CNOT1: variants seen among roughly 807,000 people sequenced by gnomAD.
CNOT1 encodes the protein CCR4-associated factor 1.
A neutral mutation model predicts 273.8 loss-of-function variants in CNOT1; 15 were observed. The ratio of observed to expected loss-of-function variants is 0.05; its 90% confidence interval spans 0.04 to 0.08. CNOT1 has a LOEUF of 0.08. Among genes scored for constraint, CNOT1 ranks in the 10% least tolerant of loss-of-function variants. The pLI is 1.00. For missense variants in CNOT1, 1,644 were observed against 2,912.2 expected, an observed-to-expected ratio of 0.56 and a Z score of 10.02; for synonymous variants, 1,022 against 1,005.5, an observed-to-expected ratio of 1.02 and a Z score of -0.31.
At chr16:58,574,467 T>C in intron 16 of CNOT1, 142 bp downstream of exon 16, 1 of 701,968 alleles carries the variant, frequency 1.4e-6, no homozygotes, top group Non-Finnish European at 2.1e-6. Flanking sequence ...GTATGTATCA[T>C]AAATAGTATA....
rs544613974 is a variant in CNOT1 at position 58,623,707 on chromosome 16, G to A, written c.-175+6021C>T. On this transcript the variant is annotated intron_variant, in intron 1 of 48. Coordinates refer to ENST00000317147, the MANE Select transcript of CNOT1 (RefSeq NM_016284.5). ...AAACTCTTGAACCTAAGTGTTGGCC[G>A]GGTACAGTGGCTCATGCCTGTCTGT... Among the ~76,000 whole-genome samples the A allele has an allele frequency of 2.4e-4, 36 of 152,200 alleles. No individual in the cohort carries two copies. The South Asian group carries it at 4.2e-3, about 18-fold the overall frequency.
Position 58,580,637 on chromosome 16 carries a change from T to C in CNOT1, c.1339A>G (p.Thr447Ala). ...AAGATGAATCAAAGTGTTTACCATG[T>C]GGCAATTTCTCGATTGTCATCCTCT... is the stretch of plus-strand genomic sequence containing the variant. Reference protein sequence around the residue: ...PPEDDNREIATWKSLDLIESL... With the variant: ...PPEDDNREIAAWKSLDLIESL... Residue 447 changes from threonine (T) to alanine (A), a missense_variant, in exon 12 of 49, where the codon ACA (threonine) becomes GCA (alanine). By Grantham distance (58) the Thr-to-Ala change is moderately conservative (BLOSUM62 0). Transcript: ENST00000317147. The C allele has an allele frequency of 1.2e-6, 2 of 1,609,630 alleles. No homozygotes were observed. The highest frequency in any genetic ancestry group is 8.5e-7 in the Non-Finnish European group (1 of 1,178,734).
Position 58,576,353 on chromosome 16 carries a change from C to T in CNOT1, c.1704+110G>A, listed in dbSNP as rs9936144. 0.41 allele frequency: 601,178 copies of T among 1,463,524 alleles called. 132,715 individuals are homozygous for T. The highest frequency in any genetic ancestry group is 0.46 in the Non-Finnish European group (499,940 of 1,082,228). The allele number at this position is 1,463,524 out of a possible 1,614,324, so 90.7% of individuals were successfully genotyped here. A position where few individuals can be genotyped will look rare whatever the true frequency, so the allele number is the denominator to read the frequency against. On this transcript the variant is annotated intron_variant, in intron 14 of 48. Transcript: ENST00000317147. ...TCTCGAATTCCTGACCTTGTGGATCCGCCCACCTCAGCCTCCCAAAGTGCT... is the reference window on the plus strand; with the variant it reads ...TCTCGAATTCCTGACCTTGTGGATCTGCCCACCTCAGCCTCCCAAAGTGCT...
chr16:58,536,673 C>T (rs2039940600), intron 39 of CNOT1, among the ~76,000 whole-genome samples: 1 of 151,692 alleles, frequency 6.6e-6, no homozygotes, highest in African/African-American at 2.4e-5. Flanking sequence ...ATTTATTAGC[C>T]CACAGTCCCA....
At chr16:58,610,468 C>T (rs57203861) in intron 1 of CNOT1, among the ~76,000 whole-genome samples, 1 of 152,202 alleles carries the variant, frequency 6.6e-6, no homozygotes, top group African/African-American at 2.4e-5. Context: ...CTTTGGGAGA[C>T]CGAGGCAGGT....
At chr16:58,623,058 C>T (rs935013059) in intron 1 of CNOT1, among the ~76,000 whole-genome samples, 1 of 150,772 alleles carries the variant, frequency 6.6e-6, no homozygotes, top group Admixed American at 6.6e-5. Context: ...ATTAGCCAAG[C>T]GTGGTGGCAG....
intron 16 of CNOT1, among the ~76,000 whole-genome samples, chr16:58,571,601 T>C (rs1396439205): frequency 6.6e-6 from 1 of 151,692 alleles, no homozygotes; most frequent in African/African-American, 2.4e-5. Flanking sequence ...TATGTAACAA[T>C]TATAAAAACA....
Position 58,520,682 on chromosome 16 carries a change from T to A in CNOT1, c.*276A>T, listed in dbSNP as rs1238771362. On this transcript the variant is annotated 3_prime_UTR_variant, in exon 49 of 49. Transcript: ENST00000317147. ...ACACAGCTTGCACAAAGCCAAGAAG[T>A]TCCAGACAAAGGTTTTCTCTTTCAT... 1 of 446,594 alleles carries A rather than the reference T, an allele frequency of 2.2e-6. No homozygotes were observed. The highest frequency in any genetic ancestry group is 4.1e-5 in the East Asian group (1 of 24,576). The allele number at this position is 446,594 out of a possible 1,614,324, so 27.7% of individuals were successfully genotyped here. A position where few individuals can be genotyped will look rare whatever the true frequency, so the allele number is the denominator to read the frequency against.
intron 42 of CNOT1, among the ~76,000 whole-genome samples, chr16:58,530,912 T>C (rs2039760805): frequency 6.6e-6 from 1 of 152,030 alleles, no homozygotes; most frequent in African/African-American, 2.4e-5. Context: ...GACATAATGG[T>C]CCCTGTGTAC....
At chr16:58,580,609 T>A in intron 12 of CNOT1, 24 bp downstream of exon 12, 1 of 1,596,112 alleles carries the variant, frequency 6.3e-7, no homozygotes, top group Non-Finnish European at 8.5e-7. Flanking sequence ...ATCTTTTAAA[T>A]GAAAGATGAA....
chr16:58,552,935 T>C (rs569620059), intron 22 of CNOT1, among the ~76,000 whole-genome samples: 3 of 152,292 alleles, frequency 2.0e-5, no homozygotes, highest in Non-Finnish European at 4.4e-5. Context: ...GTTTTTAAAA[T>C]GTATATTCCT....
chr16:58,560,465 C>T (rs1004595682), intron 16 of CNOT1, 103 bp from the exon 17 acceptor site: 23 of 1,475,832 alleles, frequency 1.6e-5, no homozygotes, highest in Non-Finnish European at 1.9e-5. Context: ...TGGAGTCTCA[C>T]TCTGTCACCC....
chr16:58,606,714 G>C lies in CNOT1; in HGVS notation c.-174-7203C>G, dbSNP rs1281113786. Among the ~76,000 whole-genome samples the C allele has an allele frequency of 2.6e-5, 4 of 151,992 alleles. No homozygotes were observed. The East Asian group carries it at 7.7e-4, about 29-fold the overall frequency. ...GCTACTAGGGAGGCTGAGGCAGGGAGAATCGCTTGAACATGGGAGACGGAG... is the reference window on the plus strand; with the variant it reads ...GCTACTAGGGAGGCTGAGGCAGGGACAATCGCTTGAACATGGGAGACGGAG... On this transcript the variant is annotated intron_variant, in intron 1 of 48. Coordinates refer to ENST00000317147, the MANE Select transcript of CNOT1 (RefSeq NM_016284.5).
intron 22 of CNOT1, among the ~76,000 whole-genome samples, chr16:58,553,548 G>T (rs2040525624): frequency 6.6e-6 from 1 of 152,052 alleles, no homozygotes; most frequent in Non-Finnish European, 1.5e-5. Context: ...TGAGTAAAAA[G>T]TTTTTGAGGT....
rs1172517619 is a variant in CNOT1, at chr16:58,575,127, G to A, written c.1707C>T (p.Ala569=). ...GAGTACCATTTAGCAGCATTGACAA[G>A]GCCTAAAGGACAAAGCACATTAGAT... ...RILDVAQDLK[A]LSMLLNGTPF... is the part of the protein sequence containing the mutation. Residue 569 remains alanine, a splice_region_variant and synonymous_variant, in exon 15 of 49, where the codon GCC becomes GCT. Coordinates refer to ENST00000317147, the MANE Select transcript of CNOT1 (RefSeq NM_016284.5). The A allele has an allele frequency of 6.2e-7, 1 of 1,612,828 alleles. No homozygotes were observed. The highest frequency in any genetic ancestry group is 8.5e-7 in the Non-Finnish European group (1 of 1,179,796).
intron 1 of CNOT1, among the ~76,000 whole-genome samples, chr16:58,623,071 G>A (rs558000520): frequency 1.6e-4 from 24 of 151,126 alleles, no homozygotes; most frequent in African/African-American, 5.3e-4. Context: ...GGTGGCAGGC[G>A]CCTGTAATCC....
At chr16:58,545,615 G>A in intron 29 of CNOT1, 124 bp from the exon 30 acceptor site, 3 of 1,043,108 alleles carry the variant, frequency 2.9e-6, no homozygotes, top group Non-Finnish European at 4.0e-6. Flanking sequence ...AGGAGGGAAG[G>A]ATGTAGCAGG....
At chr16:58,528,391 A>G in intron 44 of CNOT1, 84 bp downstream of exon 44, 1 of 915,742 alleles carries the variant, frequency 1.1e-6, no homozygotes, top group Non-Finnish European at 1.8e-6. Flanking sequence ...TATGTTGGGT[A>G]GGAAAGTGCT....
intron 4 of CNOT1, 138 bp from the exon 5 acceptor site, chr16:58,587,551 T>C (rs534332078): frequency 1.6e-6 from 2 of 1,277,154 alleles, no homozygotes; most frequent in South Asian, 3.1e-5. Context: ...TTACACTATG[T>C]CCTAAAACTG....
Sources: gnomAD v4.1 joint callset for allele counts (sites outside exome capture counted in the v4.1 genomes callset) on GRCh38, gnomAD v4.1.1 for gene constraint, MANE v1.5 for transcripts, NCBI Gene and HGNC (gene_info 2026-07-23, HGNC 2026-07-21) for gene names.